The following CSRNP3 variants were observed in gnomAD, a reference collection of about 807,000 sequenced individuals.
CSRNP3 encodes the protein cysteine and serine rich nuclear protein 3.
CSRNP3 carries 12 observed loss-of-function variants against 48.0 expected under a neutral mutation model. The ratio of observed to expected loss-of-function variants is 0.25; its 90% CI spans 0.16 to 0.41. CSRNP3 has a LOEUF of 0.41. CSRNP3 is among the 10% of genes least tolerant of loss of function. The pLI, the probability that CSRNP3 is intolerant of heterozygous loss-of-function variation, is 1.00. For synonymous variants in CSRNP3, 263 were observed against 269.7 expected (o/e 0.98, Z 0.24); for missense variants, 580 against 724.4 (o/e 0.80, Z 2.29).
At chr2:165,631,152 T>C (rs1686528398) in intron 4 of CSRNP3, among the ~76,000 whole-genome samples, 1 of 152,252 alleles carries the variant, frequency 6.6e-6, no homozygotes, top group South Asian at 2.1e-4. Flanking sequence ...CATAAATCAC[T>C]GGTTCTTGGT....
chr2:165,547,779 T>C (rs1346564154), intron 3 of CSRNP3, among the ~76,000 whole-genome samples: 2 of 151,958 alleles, frequency 1.3e-5, no homozygotes, highest in Non-Finnish European at 2.9e-5. Flanking sequence ...ATACTAATGG[T>C]AAGAAAAAGG....
intron 3 of CSRNP3, among the ~76,000 whole-genome samples, chr2:165,529,589 A>G (rs1684785679): frequency 6.6e-6 from 1 of 152,186 alleles, no homozygotes; most frequent in African/African-American, 2.4e-5. Flanking sequence ...TCACTTGTAT[A>G]CTAATACATG....
chr2:165,544,556 G>A (rs1684999272), intron 3 of CSRNP3, among the ~76,000 whole-genome samples: 1 of 148,744 alleles, frequency 6.7e-6, no homozygotes, highest in African/African-American at 2.6e-5. Context: ...GATCTTTTCA[G>A]GAGGCTTGGA....
At position 165,654,578 on chromosome 2, in the gene CSRNP3, G is replaced by A. The variant is rs868384788; in HGVS notation, c.149-3183G>A. On this transcript the variant is annotated intron_variant, in intron 4 of 6. Transcript: ENST00000651982. ...TGTCAGAGTTTCTCATCACTGGAAT[G>A]GAAGCTCCACACAGGCAGGGATCAT... Among the ~76,000 whole-genome samples, 6 of 152,082 alleles carry A rather than the reference G, an allele frequency of 3.9e-5. No homozygotes were observed. In the Middle Eastern group the frequency reaches 0.01, roughly 259 times the overall value.
chr2:165,666,826 G>GAAA (rs1687223412), intron 5 of CSRNP3, among the ~76,000 whole-genome samples: 1 of 137,446 alleles, frequency 7.3e-6, no homozygotes, highest in Non-Finnish European at 1.6e-5. Context: ...GAGAGAGAAA[G>GAAA]GAAGGACGGA....
At position 165,585,089 on chromosome 2, in the gene CSRNP3, T is replaced by A. The variant is rs73972104; in HGVS notation, c.-23-9954T>A. ...TATAGATTACTAAAAATCATGATTT[T>A]AAAAAGTTGGGAATGAAAAGGATTT... On this transcript the variant is annotated intron_variant, in intron 3 of 6. Coordinates refer to ENST00000651982, the MANE Select transcript of CSRNP3 (RefSeq NM_001172173.2). Among the ~76,000 whole-genome samples the A allele has an allele frequency of 2.3e-3, 348 of 152,294 alleles. 1 individual carries two copies. The highest frequency in any genetic ancestry group is 8.0e-3 in the African/African-American group (332 of 41,550).
At chr2:165,649,370 T>C (rs527745654) in intron 4 of CSRNP3, among the ~76,000 whole-genome samples, 3 of 152,334 alleles carry the variant, frequency 2.0e-5, no homozygotes, top group Non-Finnish European at 2.9e-5. Context: ...CAATTTCATA[T>C]AGGAATGGGA....
At chr2:165,642,965 A>G (rs11902854) in intron 4 of CSRNP3, among the ~76,000 whole-genome samples, 5,154 of 152,308 alleles carry the variant, frequency 0.034, 288 homozygotes, top group African/African-American at 0.12. Context: ...GAAAAAGAGA[A>G]GGGAGAAAGA....
intron 4 of CSRNP3, among the ~76,000 whole-genome samples, chr2:165,638,840 G>A (rs1402089483): frequency 6.6e-6 from 1 of 152,126 alleles, no homozygotes; most frequent in South Asian, 2.1e-4. Context: ...CAGAGAAAAA[G>A]TACAGTTGAT....
chr2:165,627,174 T>G (rs1348437134), intron 4 of CSRNP3, among the ~76,000 whole-genome samples: 2 of 152,200 alleles, frequency 1.3e-5, no homozygotes, highest in African/African-American at 4.8e-5. Flanking sequence ...GCTGCACAAC[T>G]AAGCTTGTTG....
intron 2 of CSRNP3, among the ~76,000 whole-genome samples, chr2:165,497,742 C>G (rs1684302124): frequency 6.6e-6 from 1 of 151,972 alleles, no homozygotes; most frequent in Non-Finnish European, 1.5e-5. Flanking sequence ...AGTAATTTGA[C>G]AAGAATCAAA....
At position 165,682,874 on chromosome 2, in the gene CSRNP3, T is replaced by G. The variant is rs1209598225; in HGVS notation, c.*3121T>G. The stretch of plus-strand genomic sequence containing the variant: ...ACACAATAACCTGACCTGCAGCTGT[T>G]GTATTGCCTCCATAGTATATCTAGC... On this transcript the variant is annotated 3_prime_UTR_variant, in exon 7 of 7. Coordinates refer to ENST00000651982, the MANE Select transcript of CSRNP3 (RefSeq NM_001172173.2). 1 of 152,174 alleles carries G rather than the reference T, an allele frequency of 6.6e-6. No homozygotes were observed. The highest frequency in any genetic ancestry group is 1.5e-5 in the Non-Finnish European group (1 of 68,020). 9.4% of individuals were successfully genotyped at this position (152,174 alleles called of 1,614,324 possible). A position where few individuals can be genotyped will look rare whatever the true frequency, so the allele number is the denominator to read the frequency against.
chr2:165,659,958 C>G (rs1040682435), intron 5 of CSRNP3, among the ~76,000 whole-genome samples: 5 of 152,174 alleles, frequency 3.3e-5, no homozygotes, highest in African/African-American at 1.2e-4. Flanking sequence ...GAGCATGTCT[C>G]TTACTTTGGC....
At chr2:165,478,167 A>G (rs1312708989) in intron 1 of CSRNP3, among the ~76,000 whole-genome samples, 2 of 152,198 alleles carry the variant, frequency 1.3e-5, no homozygotes, top group African/African-American at 4.8e-5. Context: ...TATTTTGTAT[A>G]TGCATGCTTC....
rs922787695 is a variant in CSRNP3, at chr2:165,688,353, C to T, written c.*8600C>T. The T allele has an allele frequency of 6.6e-6, 1 of 152,086 alleles. No individual in the cohort carries two copies. Among genetic ancestry groups the T allele is most frequent in the African/African-American group, 2.4e-5 (1 of 41,426 alleles). 9.4% of individuals were successfully genotyped at this position (152,086 alleles called of 1,614,324 possible). On this transcript the variant is annotated 3_prime_UTR_variant, in exon 7 of 7. Coordinates refer to ENST00000651982, the MANE Select transcript of CSRNP3 (RefSeq NM_001172173.2). The stretch of plus-strand genomic sequence containing the variant: ...TATTGAATTTCTGGTGTACTAGCCT[C>T]TTAAGATAGAACTTTTAATACATAT...
rs1180400083 is a variant in CSRNP3 at position 165,680,616 on chromosome 2, A to G, written c.*863A>G. 6.6e-6 allele frequency: 1 copy of G among 152,440 alleles called. No individual in the cohort carries two copies. Among genetic ancestry groups the G allele is most frequent in the Non-Finnish European group, 1.5e-5 (1 of 68,022 alleles). The allele number at this position is 152,440 out of a possible 1,614,324, so 9.4% of individuals were successfully genotyped here. On this transcript the variant is annotated 3_prime_UTR_variant, in exon 7 of 7. Coordinates refer to ENST00000651982, the MANE Select transcript of CSRNP3 (RefSeq NM_001172173.2). ...AGCACCTTTAAGCTCTACCCCCTAC[A>G]TCAAAATGCACTTTAGTGCCCCTTC...
At chr2:165,528,349 C>T (rs1436967411) in intron 3 of CSRNP3, among the ~76,000 whole-genome samples, 1 of 152,124 alleles carries the variant, frequency 6.6e-6, no homozygotes, top group African/African-American at 2.4e-5. Context: ...TCTATTTTTG[C>T]TTTTGTTGCT....
chr2:165,559,361 G>A (rs1172911984), intron 3 of CSRNP3, among the ~76,000 whole-genome samples: 1 of 152,146 alleles, frequency 6.6e-6, no homozygotes, highest in Non-Finnish European at 1.5e-5. Flanking sequence ...TCTACATGGT[G>A]TAATACTCCT....
intron 4 of CSRNP3, among the ~76,000 whole-genome samples, chr2:165,629,518 C>A (rs1277305150): frequency 1.3e-5 from 2 of 152,076 alleles, no homozygotes; most frequent in Non-Finnish European, 2.9e-5. Flanking sequence ...AGTTATGATG[C>A]CTTTTGTTGT....
Sources: gnomAD v4.1 joint callset for allele counts (sites outside exome capture counted in the v4.1 genomes callset) on GRCh38, gnomAD v4.1.1 for gene constraint, MANE v1.5 for transcripts, NCBI Gene and HGNC (gene_info 2026-07-23, HGNC 2026-07-21) for gene names.